The following ATXN1 variants were observed in gnomAD, a reference collection of about 807,000 sequenced individuals.
The protein encoded by ATXN1 is ataxin 1.
ATXN1 carries 8 observed loss-of-function variants against 56.4 expected under a neutral mutation model. That is an observed-to-expected ratio of 0.14 (90% CI 0.08 to 0.26). The LOEUF (loss-of-function observed/expected upper bound fraction) is 0.26, where lower values mean the gene tolerates loss of function less well. Among genes scored for constraint, ATXN1 ranks in the 10% least tolerant of loss-of-function variants. ATXN1 has a pLI of 1.00. For missense variants in ATXN1, 987 were observed against 1,106.5 expected, an observed-to-expected ratio of 0.89 and a Z score of 1.53; for synonymous variants, 514 against 494.6, an observed-to-expected ratio of 1.04 and a Z score of -0.52.
At chr6:16,509,386 G>A (rs1425375787) in intron 5 of ATXN1, among the ~76,000 whole-genome samples, 1 of 152,124 alleles carries the variant, frequency 6.6e-6, no homozygotes, top group Admixed American at 6.5e-5. Context: ...TAAGAAGACC[G>A]GCATACTATG....
intron 2 of ATXN1, among the ~76,000 whole-genome samples, chr6:16,712,207 C>A (rs901973101): frequency 4.6e-5 from 7 of 152,114 alleles, no homozygotes; most frequent in Non-Finnish European, 8.8e-5. Flanking sequence ...ACTGTATGTT[C>A]TCCCTAAATA....
chr6:16,353,270 G>A (rs1428144727), intron 6 of ATXN1, among the ~76,000 whole-genome samples: 2 of 152,176 alleles, frequency 1.3e-5, no homozygotes, highest in African/African-American at 2.4e-5. Context: ...GGCTGAGAAC[G>A]AGGTCTATGA....
chr6:16,349,750 T>C (rs891020175), intron 6 of ATXN1, among the ~76,000 whole-genome samples: 10 of 152,124 alleles, frequency 6.6e-5, no homozygotes, highest in Admixed American at 1.3e-4. Context: ...GATTTTTTTT[T>C]CCCCCTAAAC....
At chr6:16,554,783 G>T (rs1400843557) in intron 4 of ATXN1, among the ~76,000 whole-genome samples, 3 of 151,902 alleles carry the variant, frequency 2.0e-5, no homozygotes, top group Admixed American at 1.3e-4. Context: ...TAGAGATAGG[G>T]TTTCACCATG....
intron 4 of ATXN1, among the ~76,000 whole-genome samples, chr6:16,557,607 A>G (rs1424152239): frequency 6.6e-6 from 1 of 152,228 alleles, no homozygotes. Context: ...TACCGATATT[A>G]AAAATATTAT....
At chr6:16,348,523 G>C (rs572622399) in intron 6 of ATXN1, among the ~76,000 whole-genome samples, 2 of 151,908 alleles carry the variant, frequency 1.3e-5, no homozygotes, top group African/African-American at 2.4e-5. Context: ...ATGTGGCAAA[G>C]CCCCGTCTCT....
intron 6 of ATXN1, among the ~76,000 whole-genome samples, chr6:16,434,795 C>T (rs61682278): frequency 0.15 from 22,906 of 152,166 alleles, 1,876 homozygotes; most frequent in South Asian, 0.2. Flanking sequence ...TCTCATAGTG[C>T]TTCTTAGTTG....
intron 6 of ATXN1, among the ~76,000 whole-genome samples, chr6:16,395,833 T>C (rs558421053): frequency 1.1e-3 from 173 of 151,734 alleles, no homozygotes; most frequent in Non-Finnish European, 1.9e-3. Flanking sequence ...CTGGCCAACA[T>C]GGTGAAACCC....
intron 2 of ATXN1, among the ~76,000 whole-genome samples, chr6:16,745,248 G>C (rs1167550776): frequency 2.0e-5 from 3 of 152,190 alleles, no homozygotes; most frequent in Admixed American, 6.5e-5. Flanking sequence ...TTAGTATTGA[G>C]CCTTCTGATG....
intron 6 of ATXN1, among the ~76,000 whole-genome samples, chr6:16,482,582 A>C (rs529519881): frequency 3.3e-4 from 51 of 152,300 alleles, no homozygotes; most frequent in African/African-American, 1.2e-3. Flanking sequence ...TTAGACTCTA[A>C]CCAATATTTG....
rs978855386 is a variant in ATXN1, at chr6:16,306,549, T to G, written c.2228A>C (p.Glu743Ala). 6.2e-7 allele frequency: 1 copy of G among 1,614,226 alleles called. No homozygotes were observed. Among genetic ancestry groups the G allele is most frequent in the Admixed American group, 1.7e-5 (1 of 60,030 alleles). The part of the protein sequence containing the change: ...GSAQMLSENG[E>A]LKFPEKMGLP... ...TCCCATTTTCTCTGGAAACTTCAGT[T>G]CGCCATTCTCAGAGAGCATCTGGGC... The change falls in exon 8 of 8, where the codon GAA becomes GCA. Residue 743 changes from glutamate (E) to alanine (A), a missense_variant. Glu to Ala is a moderately radical substitution (Grantham distance 107). Transcript: ENST00000436367. The surrounding 1 kb of genome is among the most constrained non-coding windows in gnomAD (Gnocchi z 5.2).
At chr6:16,701,109 G>A (rs2113436900) in intron 2 of ATXN1, among the ~76,000 whole-genome samples, 1 of 152,246 alleles carries the variant, frequency 6.6e-6, no homozygotes, top group Middle Eastern at 3.4e-3. Flanking sequence ...TGACGTTCTG[G>A]TTTAAAACAA....
chr6:16,488,440 G>A (rs1014289574), intron 5 of ATXN1, among the ~76,000 whole-genome samples: 2 of 152,156 alleles, frequency 1.3e-5, no homozygotes, highest in African/African-American at 4.8e-5. Flanking sequence ...CGTTAACAGT[G>A]TTCCGTCAAC....
intron 6 of ATXN1, among the ~76,000 whole-genome samples, chr6:16,430,742 T>C (rs1469499178): frequency 6.6e-6 from 1 of 151,892 alleles, no homozygotes; most frequent in Non-Finnish European, 1.5e-5. Flanking sequence ...TGTGTGTGTG[T>C]ATGTGTGTGT....
chr6:16,326,827 C>A lies in ATXN1; in HGVS notation c.1484G>T (p.Gly495Val), dbSNP rs941069766. Residue 495 changes from glycine (G) to valine (V), a missense_variant, in exon 7 of 8, where the codon GGC becomes GTC. By Grantham distance (109) the Gly-to-Val change is moderately radical. Transcript: ENST00000436367. This position sits in a 1 kb window ranked among gnomAD's most constrained non-coding sequence, Gnocchi z 6.6. ...PGTQPLLIPV[G>V]STDMEASGAA... is the part of the protein sequence containing the mutation. The stretch of plus-strand genomic sequence containing the variant: ...CCCCGACGCTTCCATGTCAGTGCTG[C>A]CGACCGGGATGAGCAGGGGCTGTGT... 9.3e-6 allele frequency: 15 copies of A among 1,607,016 alleles called. No homozygotes were observed. The African/African-American group carries it at 2.0e-4, about 21-fold the overall frequency.
At chr6:16,749,471 G>A (rs542655396) in intron 2 of ATXN1, among the ~76,000 whole-genome samples, 2 of 152,270 alleles carry the variant, frequency 1.3e-5, no homozygotes, top group South Asian at 4.1e-4. Context: ...ATTAGATTTA[G>A]CTAAAATTAG....
chr6:16,545,677 C>T (rs1451119935), intron 4 of ATXN1, among the ~76,000 whole-genome samples: 3 of 152,148 alleles, frequency 2.0e-5, no homozygotes, highest in Non-Finnish European at 4.4e-5. Context: ...TTCTCAGTTT[C>T]AAAATAGGAC....
At chr6:16,540,668 G>T (rs1761697511) in intron 4 of ATXN1, among the ~76,000 whole-genome samples, 1 of 152,216 alleles carries the variant, frequency 6.6e-6, no homozygotes. Context: ...TTAGGCTCTA[G>T]AGTCACTATA....
intron 6 of ATXN1, among the ~76,000 whole-genome samples, chr6:16,334,706 G>T (rs1040548356): frequency 2.6e-5 from 4 of 152,182 alleles, no homozygotes; most frequent in African/African-American, 9.7e-5. Flanking sequence ...GATAAAGCAA[G>T]ACCCTGTCTC....
Sources: allele counts gnomAD v4.1 joint callset (sites outside exome capture counted in the v4.1 genomes callset), GRCh38; gene constraint gnomAD v4.1.1; non-coding constraint Gnocchi (gnomAD v3.1); transcripts MANE v1.5; gene names NCBI Gene and HGNC (gene_info 2026-07-23, HGNC 2026-07-21).